The following TMEM38A variants were observed in gnomAD, a reference collection of about 807,000 sequenced individuals.
TMEM38A encodes trimeric intracellular cation channel type A.
TMEM38A carries 17 observed loss-of-function variants against 28.6 expected under a neutral mutation model. The ratio of observed to expected loss-of-function variants is 0.60; its 90% CI spans 0.41 to 0.89. The LOEUF (loss-of-function observed/expected upper bound fraction) is 0.89. Among genes scored for constraint, TMEM38A ranks in the 40% least tolerant of loss-of-function variants. The pLI is 0.00. For missense variants in TMEM38A, 328 were observed against 393.1 expected (o/e 0.83, Z 1.40); for synonymous variants, 169 against 166.1 (o/e 1.02, Z -0.14).
At position 16,687,870 on chromosome 19, in the gene TMEM38A, C is replaced by G. The variant is rs377261929; in HGVS notation, c.673-274C>G. On this transcript the variant is annotated intron_variant, in intron 5 of 5. Transcript: ENST00000187762. ...ACAGCTTTTCTCTGAGCCCAGGTGT[C>G]GTGGGGAATTCTGGGGGATGGGTGA... Among the ~76,000 whole-genome samples the G allele has an allele frequency of 5.7e-4, 87 of 152,246 alleles. 2 individuals are homozygous for G. The South Asian group carries it at 7.2e-3, about 13-fold the overall frequency.
At chr19:16,665,444 C>T (rs893149119) in intron 1 of TMEM38A, among the ~76,000 whole-genome samples, 2 of 151,252 alleles carry the variant, frequency 1.3e-5, no homozygotes, top group Admixed American at 6.6e-5. Context: ...GAGCCATGAT[C>T]GTGCCACTGC....
intron 1 of TMEM38A, among the ~76,000 whole-genome samples, chr19:16,671,807 C>T (rs963954495): frequency 6.6e-5 from 10 of 152,208 alleles, no homozygotes; most frequent in Non-Finnish European, 1.2e-4. Context: ...CTCATGCAAA[C>T]GCTAGGTCCC....
intron 1 of TMEM38A, among the ~76,000 whole-genome samples, chr19:16,662,118 T>C (rs2122570332): frequency 6.6e-6 from 1 of 152,306 alleles, no homozygotes; most frequent in East Asian, 1.9e-4. Context: ...CGTGAACAAA[T>C]GTTTAAATGT....
intron 1 of TMEM38A, among the ~76,000 whole-genome samples, chr19:16,676,755 C>CTTTTTTTTTT (rs960732087): frequency 8.4e-6 from 1 of 119,278 alleles, no homozygotes; most frequent in African/African-American, 3.6e-5. Context: ...TTTTCATGAC[C>CTTTTTTTTTT]TTTTTTTTTT....
chr19:16,662,545 C>T (rs992926675), intron 1 of TMEM38A, among the ~76,000 whole-genome samples: 1 of 148,340 alleles, frequency 6.7e-6, no homozygotes, highest in Non-Finnish European at 1.5e-5. Flanking sequence ...CCTCCACCTT[C>T]CAGGTTCAAG....
intron 1 of TMEM38A, among the ~76,000 whole-genome samples, chr19:16,664,612 A>G (rs1003726551): frequency 6.6e-6 from 1 of 151,984 alleles, no homozygotes; most frequent in African/African-American, 2.4e-5. Context: ...TTTCATAGCC[A>G]GGCATGGTGG....
At chr19:16,679,617 C>G (rs1236238207) in intron 1 of TMEM38A, among the ~76,000 whole-genome samples, 2 of 151,916 alleles carry the variant, frequency 1.3e-5, no homozygotes, top group African/African-American at 4.8e-5. Flanking sequence ...CAAAGTACTC[C>G]CAGGTACAAG....
rs138053169 is a variant in TMEM38A, at chr19:16,661,319, C to T, written c.102C>T (p.Ile34=). 1.2e-4 allele frequency: 185 copies of T among 1,595,990 alleles called. No homozygotes were observed. Among genetic ancestry groups the T allele is most frequent in the Non-Finnish European group, 1.4e-4 (163 of 1,171,754 alleles). ...ACCTCAGTTACTTCATCGTCTCCAT[C>T]CTCTACCTCAAGTATGAGCCAGGTG... ...VFDLSYFIVS[I]LYLKYEPGAV... Residue 34 remains isoleucine, a synonymous_variant, in exon 1 of 6, where the codon ATC becomes ATT. Coordinates refer to ENST00000187762, the MANE Select transcript of TMEM38A (RefSeq NM_024074.4). This position sits in a 1 kb window ranked among gnomAD's most constrained non-coding sequence, Gnocchi z 6.5.
In TMEM38A at chr19:16,689,322, C is replaced by T. The variant is rs17488936; in HGVS notation, c.*951C>T. 0.074 allele frequency: 11,329 copies of T among 152,344 alleles called. 533 individuals carry two copies. Among genetic ancestry groups the T allele is most frequent in the Middle Eastern group, 0.15 (43 of 296 alleles). The allele number at this position is 152,344 out of a possible 1,614,324, so 9.4% of individuals were successfully genotyped here. A position where few individuals can be genotyped will look rare whatever the true frequency, so the allele number is the denominator to read the frequency against. ...AAAAAGGCTCACATGCTCCTAGCCT[C>T]GTGCAGTCAGGAGGGGAGACCAGGA... is the stretch of plus-strand genomic sequence containing the variant. On this transcript the variant is annotated 3_prime_UTR_variant, in exon 6 of 6. Transcript: ENST00000187762.
At chr19:16,679,715 A>G (rs891413619) in intron 1 of TMEM38A, among the ~76,000 whole-genome samples, 15 of 152,048 alleles carry the variant, frequency 9.9e-5, no homozygotes, top group African/African-American at 3.1e-4. Flanking sequence ...ACTGATGAGG[A>G]TTTATTAAGT....
chr19:16,679,117 C>G (rs2086766191), intron 1 of TMEM38A, among the ~76,000 whole-genome samples: 1 of 149,820 alleles, frequency 6.7e-6, no homozygotes, highest in African/African-American at 2.5e-5. Context: ...CCATTGCACT[C>G]CAGCCTGGGT....
intron 1 of TMEM38A, among the ~76,000 whole-genome samples, chr19:16,675,287 G>A (rs1345258426): frequency 6.6e-6 from 1 of 152,146 alleles, no homozygotes; most frequent in Non-Finnish European, 1.5e-5. Flanking sequence ...AGGCTGGAGT[G>A]CAGTGCCTTG....
chr19:16,661,326 C>T lies in TMEM38A; in HGVS notation c.109C>T (p.Leu37Phe), dbSNP rs1410827443. The T allele has an allele frequency of 6.3e-7, 1 of 1,593,502 alleles. No homozygotes were observed. The highest frequency in any genetic ancestry group is 8.5e-7 in the Non-Finnish European group (1 of 1,170,320). ...TTACTTCATCGTCTCCATCCTCTAC[C>T]TCAAGTATGAGCCAGGTGAGCCGGG... is the stretch of plus-strand genomic sequence containing the variant. ...LSYFIVSILY[L>F]KYEPGAVELS... The change falls in exon 1 of 6, where the codon CTC (leucine) becomes TTC (phenylalanine). Residue 37 changes from leucine (L) to phenylalanine (F), a missense_variant. Coordinates refer to ENST00000187762, the MANE Select transcript of TMEM38A (RefSeq NM_024074.4). The surrounding 1 kb of genome is among the most constrained non-coding windows in gnomAD (Gnocchi z 6.5).
At chr19:16,688,012 T>G (rs529916140) in intron 5 of TMEM38A, 132 bp from the exon 6 acceptor site, 102 of 603,280 alleles carry the variant, frequency 1.7e-4, no homozygotes, top group Non-Finnish European at 2.5e-4. Flanking sequence ...GAGGGCTGGG[T>G]CTGGGCTACC....
In TMEM38A at chr19:16,661,371, C is replaced by T. The variant is rs1162915888; in HGVS notation, c.124+30C>T. 3.3e-6 allele frequency: 5 copies of T among 1,523,820 alleles called. No homozygotes were observed. Among genetic ancestry groups the T allele is most frequent in the African/African-American group, 1.4e-5 (1 of 70,206 alleles). The allele number at this position is 1,523,820 out of a possible 1,614,324, so 94.4% of individuals were successfully genotyped here. On this transcript the variant is annotated intron_variant, in intron 1 of 5. Transcript: ENST00000187762. The surrounding 1 kb of genome is among the most constrained non-coding windows in gnomAD (Gnocchi z 6.5). ...GCCGGGGCGGGGGGCTGGAGGGGAC[C>T]GGCAGCGGGTGGCGCGGGCCGGGGC...
chr19:16,661,458 A>G lies in TMEM38A; in HGVS notation c.124+117A>G. Reference sequence around the variant, plus strand: ...GTGGAGGGAGCGAGGGACAGGTTCAAGGATTGCATCGTGGGAGTAGGCAGG... The same window carrying G: ...GTGGAGGGAGCGAGGGACAGGTTCAGGGATTGCATCGTGGGAGTAGGCAGG... On this transcript the variant is annotated intron_variant, in intron 1 of 5. Coordinates refer to ENST00000187762, the MANE Select transcript of TMEM38A (RefSeq NM_024074.4). This position sits in a 1 kb window ranked among gnomAD's most constrained non-coding sequence, Gnocchi z 6.5. The G allele has an allele frequency of 1.1e-6, 1 of 913,876 alleles. No homozygotes were observed. The highest frequency in any genetic ancestry group is 1.5e-6 in the Non-Finnish European group (1 of 657,458). The allele number at this position is 913,876 out of a possible 1,614,324, so 56.6% of individuals were successfully genotyped here.
chr19:16,674,535 C>G (rs556904792), intron 1 of TMEM38A, among the ~76,000 whole-genome samples: 1 of 151,952 alleles, frequency 6.6e-6, no homozygotes, highest in African/African-American at 2.4e-5. Context: ...CGCCGTGGCT[C>G]ACACCTATAA....
intron 1 of TMEM38A, among the ~76,000 whole-genome samples, chr19:16,677,368 T>G (rs551350621): frequency 3.7e-4 from 57 of 152,310 alleles, no homozygotes; most frequent in Admixed American, 8.5e-4. Context: ...AGAGTCTCAT[T>G]CTGTCACCCA....
chr19:16,687,273 A>G (rs894006254), intron 5 of TMEM38A, among the ~76,000 whole-genome samples: 2 of 152,174 alleles, frequency 1.3e-5, no homozygotes, highest in Non-Finnish European at 2.9e-5. Context: ...TGGAGGTTGC[A>G]GTGAGCTAAG....
Sources: gnomAD v4.1 joint callset for allele counts (sites outside exome capture counted in the v4.1 genomes callset) on GRCh38, gnomAD v4.1.1 for gene constraint, Gnocchi (gnomAD v3.1) non-coding constraint, MANE v1.5 for transcripts, NCBI Gene and HGNC (gene_info 2026-07-23, HGNC 2026-07-21) for gene names.